The following CAST variants were observed in gnomAD, a reference collection of about 807,000 sequenced individuals.
The protein encoded by CAST is calpastatin.
Under a neutral mutation model 119.6 loss-of-function variants are expected in CAST, and 76 were observed. The ratio of observed to expected loss-of-function variants is 0.64; its 90% CI spans 0.53 to 0.77. The LOEUF is 0.77. Among genes scored for constraint, CAST ranks in the 30% least tolerant of loss-of-function variants. The pLI, the probability that CAST is intolerant of heterozygous loss-of-function variation, is 0.00. For missense variants in CAST, 953 were observed against 946.5 expected (o/e 1.01, Z -0.09); for synonymous variants, 319 against 331.6 (o/e 0.96, Z 0.41).
At chr5:96,267,994 A>G in the CAST span, among the ~76,000 whole-genome samples, 1 of 152,172 alleles carries the variant, frequency 6.6e-6, no homozygotes, top group Non-Finnish European at 1.5e-5. Context: ...TCTAAGATAA[A>G]TTGTCATCTC....
chr5:96,629,659 T>C lies in CAST; in HGVS notation c.61-45880T>C, dbSNP rs143778305. On this transcript the variant is annotated intron_variant, in intron 1 of 11. Coordinates refer to the CAST transcript ENST00000505143. ...CAACTTGAAATCAAACTGTAACTTA[T>C]ATCTCAATCTTTCCTTCCAATCTCA... 3.3e-3 allele frequency among the ~76,000 whole-genome samples: 500 copies of C among 152,334 alleles called. 3 individuals carry two copies. The highest frequency in any genetic ancestry group is 4.5e-3 in the Non-Finnish European group (303 of 68,030).
the CAST span, chr5:96,394,890 C>A: frequency 1.9e-6 from 3 of 1,614,110 alleles, no homozygotes; most frequent in South Asian, 1.1e-5. Flanking sequence ...ATCTTCTCCA[C>A]CCCTCTTCTG....
chr5:96,373,099 C>T, the CAST span, among the ~76,000 whole-genome samples: 1 of 152,122 alleles, frequency 6.6e-6, no homozygotes, highest in Non-Finnish European at 1.5e-5. Context: ...ATAATACTTT[C>T]TTTTCATTTG....
the CAST span, among the ~76,000 whole-genome samples, chr5:95,975,587 T>C: frequency 6.6e-6 from 1 of 152,234 alleles, no homozygotes; most frequent in African/African-American, 2.4e-5. Context: ...AATTCAATGA[T>C]GGTTGAGCTT....
intron 29 of CAST, chr5:96,769,255 A>C (rs753445349): frequency 1.3e-5 from 2 of 152,076 alleles, no homozygotes; most frequent in Admixed American, 6.5e-5. Flanking sequence ...TCAGCATCCT[A>C]TCTCTCACCC....
the CAST span, among the ~76,000 whole-genome samples, chr5:96,149,960 T>C: frequency 6.6e-6 from 1 of 152,242 alleles, no homozygotes; most frequent in East Asian, 1.9e-4. Flanking sequence ...TCTTTTTTTT[T>C]CCTTCTTTAG....
At chr5:96,566,954 C>T (rs1201524535) in intron 1 of CAST, among the ~76,000 whole-genome samples, 2 of 152,138 alleles carry the variant, frequency 1.3e-5, no homozygotes, top group Non-Finnish European at 2.9e-5. Flanking sequence ...TTTGCAAACA[C>T]GTACCAACTT....
intron 3 of CAST, 103 bp from the exon 4 acceptor site, chr5:96,722,536 C>A: frequency 3.5e-6 from 3 of 854,108 alleles, no homozygotes; most frequent in South Asian, 2.9e-5. Context: ...TGGGTAAAAC[C>A]AAGGTAAAGG....
At chr5:96,108,026 G>A in the CAST span, among the ~76,000 whole-genome samples, 1 of 151,768 alleles carries the variant, frequency 6.6e-6, no homozygotes, top group Non-Finnish European at 1.5e-5. Context: ...CGGCTCCTGA[G>A]GCTTCTGCAT....
the CAST span, among the ~76,000 whole-genome samples, chr5:96,230,027 C>T: frequency 6.6e-6 from 1 of 152,160 alleles, no homozygotes; most frequent in East Asian, 1.9e-4. Context: ...ACAAAGCAGA[C>T]ACTTTCTTGT....
chr5:96,278,285 C>CTTTT, the CAST span, among the ~76,000 whole-genome samples: 96 of 152,144 alleles, frequency 6.3e-4, 2 homozygotes, highest in Non-Finnish European at 1.5e-4. Context: ...ACAGGCTGGC[C>CTTTT]TTTTGTCCCT....
At chr5:96,242,125 A>G in the CAST span, among the ~76,000 whole-genome samples, 4 of 148,248 alleles carry the variant, frequency 2.7e-5, no homozygotes, top group East Asian at 3.9e-4. Context: ...TGTTTTAGAC[A>G]TGAAGTCCTT....
the CAST span, among the ~76,000 whole-genome samples, chr5:96,189,294 A>G: frequency 6.6e-6 from 1 of 152,124 alleles, no homozygotes; most frequent in Admixed American, 6.5e-5. Context: ...CTAGGTGGAT[A>G]ATGGTCCTTT....
the CAST span, among the ~76,000 whole-genome samples, chr5:96,262,318 C>G: frequency 9.9e-5 from 15 of 152,262 alleles, no homozygotes; most frequent in East Asian, 2.9e-3. Flanking sequence ...GCTGAAGCCA[C>G]TGCACCGAGG....
the CAST span, among the ~76,000 whole-genome samples, chr5:96,194,603 G>A: frequency 6.6e-6 from 1 of 152,070 alleles, no homozygotes; most frequent in Non-Finnish European, 1.5e-5. Context: ...AACAAACCTA[G>A]CAAACTATCT....
chr5:96,487,980 C>T, the CAST span, among the ~76,000 whole-genome samples: 1 of 152,122 alleles, frequency 6.6e-6, no homozygotes, highest in East Asian at 1.9e-4. Flanking sequence ...CCTCCCATTG[C>T]TTTTATGTAA....
chr5:96,080,712 C>A, the CAST span, among the ~76,000 whole-genome samples: 1 of 152,176 alleles, frequency 6.6e-6, no homozygotes, highest in Non-Finnish European at 1.5e-5. Context: ...CCTGACTCAT[C>A]TAACTGTGAC....
chr5:96,365,372 A>G, the CAST span, among the ~76,000 whole-genome samples: 2 of 152,230 alleles, frequency 1.3e-5, no homozygotes, highest in African/African-American at 4.8e-5. Flanking sequence ...CAATTCCCAG[A>G]TATCCTTGTT....
the CAST span, among the ~76,000 whole-genome samples, chr5:96,231,781 CAAAA>C: frequency 6.7e-6 from 1 of 149,106 alleles, no homozygotes; most frequent in South Asian, 2.1e-4. Flanking sequence ...CATAAAAAGG[CAAAA>C]AAAAAGCACA....
Sources: gnomAD v4.1 joint callset for allele counts (sites outside exome capture counted in the v4.1 genomes callset) on GRCh38, gnomAD v4.1.1 for gene constraint, MANE v1.5 for transcripts, NCBI Gene and HGNC (gene_info 2026-07-23, HGNC 2026-07-21) for gene names.